CEP128: variants seen among roughly 807,000 people sequenced by gnomAD.
CEP128 encodes the protein centrosomal protein 128, also known as centrosomal protein 128kDa.
A neutral mutation model predicts 156.7 loss-of-function variants in CEP128; 132 were observed. That is an observed-to-expected ratio of 0.84 (90% confidence interval 0.73 to 0.97). CEP128 has a LOEUF of 0.97. CEP128 is among the 50% of genes least tolerant of loss of function. CEP128 has a pLI of 0.00. For missense variants in CEP128, 1,252 were observed against 1,281.9 expected, an observed-to-expected ratio of 0.98 and a Z score of 0.36; for synonymous variants, 469 against 448.9, an observed-to-expected ratio of 1.04 and a Z score of -0.57.
intron 2 of CEP128, among the ~76,000 whole-genome samples, chr14:80,956,562 A>G (rs531369499): frequency 6.6e-6 from 1 of 152,366 alleles, no homozygotes; most frequent in Admixed American, 6.5e-5. Flanking sequence ...CAGCAATTTA[A>G]ATCAGTGATC....
intron 15 of CEP128, among the ~76,000 whole-genome samples, chr14:80,784,476 T>A (rs950809367): frequency 6.6e-6 from 1 of 152,162 alleles, no homozygotes; most frequent in Non-Finnish European, 1.5e-5. Context: ...CTCGAAAGCC[T>A]TGGGTTTACA....
chr14:80,649,794 T>C (rs1418451013), intron 19 of CEP128, among the ~76,000 whole-genome samples: 3 of 152,180 alleles, frequency 2.0e-5, no homozygotes, highest in Non-Finnish European at 2.9e-5. Flanking sequence ...TTGGTACCAG[T>C]ACCATGCTGT....
intron 13 of CEP128, among the ~76,000 whole-genome samples, chr14:80,813,425 T>C (rs1884674465): frequency 6.6e-6 from 1 of 152,178 alleles, no homozygotes; most frequent in African/African-American, 2.4e-5. Flanking sequence ...TTTATAATTT[T>C]TTTTCAATTA....
chr14:80,487,802 G>A (rs1261905334), downstream of CEP128, among the ~76,000 whole-genome samples: 2 of 152,096 alleles, frequency 1.3e-5, no homozygotes, highest in Non-Finnish European at 2.9e-5. Context: ...AATGAAGGCA[G>A]AAATAAAGAT....
intron 20 of CEP128, among the ~76,000 whole-genome samples, chr14:80,575,774 A>G (rs142523814): frequency 6.6e-6 from 1 of 152,294 alleles, no homozygotes; most frequent in Non-Finnish European, 1.5e-5. Flanking sequence ...AATTTACAAT[A>G]TCTATATATT....
intron 8 of CEP128, among the ~76,000 whole-genome samples, chr14:80,880,908 A>AATAATAATAATTATT (rs779984422): frequency 1.5e-5 from 2 of 133,658 alleles, no homozygotes; most frequent in African/African-American, 5.4e-5. Flanking sequence ...TAATAATAAT[A>AATAATAATAATTATT]ATTTCAGTAA....
chr14:80,563,105 T>C (rs537959683), intron 20 of CEP128, among the ~76,000 whole-genome samples: 1 of 152,322 alleles, frequency 6.6e-6, no homozygotes, highest in Admixed American at 6.5e-5. Context: ...TTTGTAATTT[T>C]TCCCTTTTTC....
In CEP128 at chr14:80,785,294, C is replaced by A. The variant is rs539200469; in HGVS notation, c.1812G>T (p.Gln604His). 5 of 1,614,194 alleles carry A rather than the reference C, an allele frequency of 3.1e-6. No individual in the cohort carries two copies. In the Admixed American group the frequency reaches 8.3e-5, roughly 27 times the overall value. The stretch of plus-strand genomic sequence containing the variant: ...CCAAGTGAGCTTTCTCAACTTTCAT[C>A]TGGCTTTGGATCTTACTCTGCTTTT... The part of the protein sequence containing the change: ...ELKKQSKIQS[Q>H]MKVEKAHLEE... The change falls in exon 15 of 25, where the codon CAG (glutamine) becomes CAT (histidine). Residue 604 changes from glutamine (Q) to histidine (H), a missense_variant. Gln to His is a conservative substitution (Grantham distance 24, BLOSUM62 0). Transcript: ENST00000555265.
intron 19 of CEP128, among the ~76,000 whole-genome samples, chr14:80,732,471 G>GGTGTGTGTGTGTGTGT (rs10672093): frequency 4.6e-4 from 59 of 127,728 alleles, no homozygotes; most frequent in African/African-American, 1.3e-3. Context: ...TGATTAAGCA[G>GGTGTGTGTGTGTGTGT]GTGTGTGTGT....
Position 80,559,883 on chromosome 14 carries a change from A to G in CEP128, c.2857-581T>C, listed in dbSNP as rs137868241. ...GTCTACAGCATCTTAGAATGTTTATAGAAGGACTGGCTTTAAAAGGGGTCA... is the reference window on the plus strand; with the variant it reads ...GTCTACAGCATCTTAGAATGTTTATGGAAGGACTGGCTTTAAAAGGGGTCA... On this transcript the variant is annotated intron_variant, in intron 20 of 24. Coordinates refer to ENST00000555265, the MANE Select transcript of CEP128 (RefSeq NM_152446.5). 5.6e-3 allele frequency among the ~76,000 whole-genome samples: 855 copies of G among 152,356 alleles called. 6 individuals carry two copies. Among genetic ancestry groups the G allele is most frequent in the African/African-American group, 0.02 (817 of 41,590 alleles).
intron 11 of CEP128, among the ~76,000 whole-genome samples, chr14:80,837,797 C>T (rs921962079): frequency 4.6e-5 from 7 of 152,198 alleles, no homozygotes; most frequent in Non-Finnish European, 1.0e-4. Flanking sequence ...AAGACAATGA[C>T]GTTATTCAAA....
rs182394028 is a variant in CEP128 at position 80,644,310 on chromosome 14, G to A, written c.2807-63887C>T. On this transcript the variant is annotated intron_variant, in intron 19 of 24. Transcript: ENST00000555265. ...GGAAACTGACATACGATGTTTCTTT[G>A]CTAATTAGGCACCTGTCATATGCAC... Among the ~76,000 whole-genome samples the A allele has an allele frequency of 2.6e-4, 40 of 152,258 alleles. 1 individual carries two copies. The East Asian group carries it at 6.9e-3, about 26-fold the overall frequency.
At chr14:80,487,600 C>T (rs575514387), downstream of CEP128, among the ~76,000 whole-genome samples, 40 of 152,182 alleles carry the variant, frequency 2.6e-4, no homozygotes, top group African/African-American at 9.1e-4. Flanking sequence ...ACCAAACCTA[C>T]TCCAAAATTG....
At chr14:80,628,187 T>C (rs946535839) in intron 19 of CEP128, among the ~76,000 whole-genome samples, 1 of 152,222 alleles carries the variant, frequency 6.6e-6, no homozygotes, top group South Asian at 2.1e-4. Context: ...AGACATGTGC[T>C]TGAAGTTTTA....
chr14:80,737,213 G>A (rs368091586), intron 19 of CEP128, among the ~76,000 whole-genome samples: 85 of 152,104 alleles, frequency 5.6e-4, no homozygotes, highest in African/African-American at 1.8e-3. Flanking sequence ...AGACCAGCCC[G>A]GCCAGTATGG....
chr14:80,559,249 T>C (rs765773565), intron 21 of CEP128, 30 bp downstream of exon 21: 2 of 1,595,736 alleles, frequency 1.3e-6, no homozygotes, highest in Admixed American at 1.7e-5. Context: ...GTAATTCTGA[T>C]AAAAGGAGAA....
intron 4 of CEP128, among the ~76,000 whole-genome samples, chr14:80,912,255 A>G (rs551927939): frequency 1.3e-4 from 20 of 152,080 alleles, no homozygotes; most frequent in South Asian, 6.2e-4. Flanking sequence ...GTTTAGCATT[A>G]TTCAACTCTA....
At chr14:80,921,358 GA>G (rs1002414903) in intron 2 of CEP128, among the ~76,000 whole-genome samples, 46 of 152,156 alleles carry the variant, frequency 3.0e-4, no homozygotes, top group Admixed American at 6.5e-4. Flanking sequence ...GAAGAGAGAC[GA>G]AATAAGTATG....
intron 2 of CEP128, among the ~76,000 whole-genome samples, chr14:80,956,591 A>G (rs904824404): frequency 6.6e-6 from 1 of 152,240 alleles, no homozygotes; most frequent in African/African-American, 2.4e-5. Flanking sequence ...TGTAGACAAA[A>G]CCAAGGGAAT....
Sources: gnomAD v4.1 joint callset for allele counts (sites outside exome capture counted in the v4.1 genomes callset) on GRCh38, gnomAD v4.1.1 for gene constraint, MANE v1.5 for transcripts, NCBI Gene and HGNC (gene_info 2026-07-23, HGNC 2026-07-21) for gene names.